The following LRRTM4 variants were observed in gnomAD, a reference collection of about 807,000 sequenced individuals.
LRRTM4 encodes the protein leucine-rich repeat transmembrane neuronal protein 4.
Under a neutral mutation model 47.6 loss-of-function variants are expected in LRRTM4, and 25 were observed. That is an observed-to-expected ratio of 0.53 (90% CI 0.38 to 0.73). The LOEUF is 0.73. LRRTM4 is among the 30% of genes least tolerant of loss of function. The probability of loss-of-function intolerance (pLI) is 0.00; values close to 1 mark genes in which losing one functional copy is unlikely to be tolerated. For missense variants in LRRTM4, 638 were observed against 713.4 expected (o/e 0.89, Z 1.20); for synonymous variants, 311 against 269.5 (o/e 1.15, Z -1.51).
chr2:76,978,457 GCA>G (rs1676491616), intron 3 of LRRTM4, among the ~76,000 whole-genome samples: 1 of 151,926 alleles, frequency 6.6e-6, no homozygotes, highest in Non-Finnish European at 1.5e-5. Flanking sequence ...TGTTCTCCTT[GCA>G]CATTTATTTT....
At chr2:76,877,333 CAATT>C (rs752670655) in intron 3 of LRRTM4, among the ~76,000 whole-genome samples, 1 of 151,862 alleles carries the variant, frequency 6.6e-6, no homozygotes. Context: ...ATTTTAAAAA[CAATT>C]AGTCCACTTT....
At chr2:76,786,402 T>G (rs544182029) in intron 3 of LRRTM4, among the ~76,000 whole-genome samples, 2 of 152,062 alleles carry the variant, frequency 1.3e-5, no homozygotes, top group Admixed American at 1.3e-4. Context: ...CTCCTAACAT[T>G]TTTTTAACAG....
intron 3 of LRRTM4, among the ~76,000 whole-genome samples, chr2:76,801,335 T>G (rs1305640313): frequency 2.0e-5 from 3 of 151,966 alleles, no homozygotes; most frequent in African/African-American, 7.3e-5. Context: ...TATGCAGCCA[T>G]AAAAAATGAT....
chr2:77,286,316 C>T (rs1362614873), intron 3 of LRRTM4, among the ~76,000 whole-genome samples: 2 of 151,828 alleles, frequency 1.3e-5, no homozygotes, highest in African/African-American at 4.8e-5. Flanking sequence ...TACAATATAA[C>T]ATAGTCAAAG....
intron 3 of LRRTM4, among the ~76,000 whole-genome samples, chr2:76,780,791 G>A (rs1026852077): frequency 1.2e-4 from 19 of 152,014 alleles, no homozygotes; most frequent in Admixed American, 2.0e-4. Context: ...GCTTTGTTCC[G>A]TTGCTGGTGA....
intron 3 of LRRTM4, among the ~76,000 whole-genome samples, chr2:76,863,698 A>G (rs1398273640): frequency 6.6e-6 from 1 of 152,206 alleles, no homozygotes; most frequent in Admixed American, 6.5e-5. Context: ...AATAGATGCT[A>G]CTTATACACA....
intron 3 of LRRTM4, among the ~76,000 whole-genome samples, chr2:77,476,601 A>C (rs1374423386): frequency 7.9e-5 from 12 of 152,166 alleles, no homozygotes; most frequent in African/African-American, 2.2e-4. Flanking sequence ...CTCAAAGCCA[A>C]ATTTGTTTTG....
chr2:77,268,280 A>G (rs1676105045), intron 3 of LRRTM4, among the ~76,000 whole-genome samples: 1 of 152,132 alleles, frequency 6.6e-6, no homozygotes, highest in Non-Finnish European at 1.5e-5. Context: ...CTTCAACTCC[A>G]GCTTGGCCCT....
At chr2:76,855,118 C>A (rs1326968551) in intron 3 of LRRTM4, among the ~76,000 whole-genome samples, 1 of 152,150 alleles carries the variant, frequency 6.6e-6, no homozygotes, top group Admixed American at 6.5e-5. Flanking sequence ...GCAGAGGGGA[C>A]TGCAAGAGCA....
chr2:77,435,339 C>T (rs1039952657), intron 3 of LRRTM4, among the ~76,000 whole-genome samples: 2 of 152,134 alleles, frequency 1.3e-5, no homozygotes, highest in South Asian at 4.2e-4. Flanking sequence ...GTATCTACAA[C>T]TCATGAAAAG....
intron 3 of LRRTM4, among the ~76,000 whole-genome samples, chr2:77,041,631 T>G (rs2104177838): frequency 6.6e-6 from 1 of 151,556 alleles, no homozygotes; most frequent in East Asian, 2.0e-4. Context: ...CTCATTTGAT[T>G]CACATTTCTC....
intron 3 of LRRTM4, among the ~76,000 whole-genome samples, chr2:76,996,580 G>A (rs1275746876): frequency 6.6e-6 from 1 of 151,956 alleles, no homozygotes; most frequent in Non-Finnish European, 1.5e-5. Flanking sequence ...TGACTATAAA[G>A]CTGCACTAAT....
chr2:76,812,470 G>A (rs1269959869), intron 3 of LRRTM4, among the ~76,000 whole-genome samples: 2 of 152,136 alleles, frequency 1.3e-5, no homozygotes, highest in Non-Finnish European at 2.9e-5. Flanking sequence ...GAAGGCCTGA[G>A]AGTGGCAGCT....
chr2:76,930,575 G>C (rs182848072), intron 3 of LRRTM4, among the ~76,000 whole-genome samples: 2 of 152,182 alleles, frequency 1.3e-5, no homozygotes, highest in East Asian at 3.9e-4. Context: ...TGATTTCTCC[G>C]GGAGATTTTC....
chr2:76,969,897 A>G (rs1323212067), intron 3 of LRRTM4, among the ~76,000 whole-genome samples: 3 of 151,992 alleles, frequency 2.0e-5, no homozygotes. Context: ...TAATTGACAC[A>G]AAATCTCAAA....
intron 3 of LRRTM4, among the ~76,000 whole-genome samples, chr2:77,199,527 T>C (rs962879041): frequency 6.6e-6 from 1 of 152,106 alleles, no homozygotes; most frequent in African/African-American, 2.4e-5. Context: ...TTCCTTTGTA[T>C]ACAAGAGGAA....
chr2:77,305,619 A>G (rs1164323099), intron 3 of LRRTM4, among the ~76,000 whole-genome samples: 2 of 152,146 alleles, frequency 1.3e-5, no homozygotes, highest in Non-Finnish European at 2.9e-5. Context: ...TGCATGTTTT[A>G]AAATTTTCAT....
chr2:77,068,767 T>G (rs1348203225), intron 3 of LRRTM4, among the ~76,000 whole-genome samples: 1 of 152,200 alleles, frequency 6.6e-6, no homozygotes, highest in Non-Finnish European at 1.5e-5. Flanking sequence ...GGCCATAAAC[T>G]GGCCCCAAAA....
intron 3 of LRRTM4, among the ~76,000 whole-genome samples, chr2:76,779,650 T>C (rs1446661511): frequency 1.3e-5 from 2 of 151,776 alleles, no homozygotes; most frequent in African/African-American, 4.8e-5. Flanking sequence ...TGAGCCTATA[T>C]GTGTCTCTGC....
Sources: allele counts gnomAD v4.1 joint callset (sites outside exome capture counted in the v4.1 genomes callset), GRCh38; gene constraint gnomAD v4.1.1; transcripts MANE v1.5; gene names NCBI Gene and HGNC (gene_info 2026-07-23, HGNC 2026-07-21).